DNAH7: variants seen among roughly 807,000 people sequenced by gnomAD.
DNAH7 encodes dynein axonemal heavy chain 7.
A neutral mutation model predicts 444.6 loss-of-function variants in DNAH7; 397 were observed. The observed-to-expected ratio is 0.89, with a 90% CI of 0.82 to 0.97. The LOEUF is 0.97. DNAH7 is among the 50% of genes least tolerant of loss of function. The pLI is 0.00. For missense variants in DNAH7, 4,902 were observed against 4,800.8 expected (o/e 1.02, Z -0.62); for synonymous variants, 1,636 against 1,624.4 (o/e 1.01, Z -0.17).
At chr2:195,984,735 T>C (rs1692795396) in intron 14 of DNAH7, 25 bp from the exon 15 acceptor site, 1 of 1,591,616 alleles carries the variant, frequency 6.3e-7, no homozygotes, top group Non-Finnish European at 8.6e-7. Context: ...AAAACCAATC[T>C]TACATATTTA....
intron 19 of DNAH7, among the ~76,000 whole-genome samples, chr2:195,950,432 T>A (rs770877072): frequency 2.0e-5 from 3 of 152,220 alleles, no homozygotes; most frequent in Non-Finnish European, 2.9e-5. Context: ...GTAGTTTGTA[T>A]TTCTGTGGGG....
intron 15 of DNAH7, among the ~76,000 whole-genome samples, chr2:195,976,747 CAGAGAGAGAGAGAGAG>C (rs60653466): frequency 6.6e-4 from 60 of 90,620 alleles, no homozygotes; most frequent in East Asian, 1.8e-3. Context: ...GAGAGGCAGA[CAGAGAGAGAGAGAGAG>C]AGAGAGAGAG....
At chr2:195,789,491 CT>C (rs1183727193) in intron 57 of DNAH7, among the ~76,000 whole-genome samples, 8 of 152,214 alleles carry the variant, frequency 5.3e-5, no homozygotes, top group African/African-American at 1.9e-4. Context: ...TCAATGATTA[CT>C]AATTCTGGGT....
intron 61 of DNAH7, among the ~76,000 whole-genome samples, chr2:195,759,497 T>C (rs1379473966): frequency 6.6e-6 from 1 of 152,090 alleles, no homozygotes; most frequent in African/African-American, 2.4e-5. Context: ...GAGAGATTCC[T>C]TTTTGAGGAA....
intron 8 of DNAH7, among the ~76,000 whole-genome samples, chr2:196,020,659 G>A (rs1256849167): frequency 6.8e-6 from 1 of 147,538 alleles, no homozygotes; most frequent in East Asian, 2.0e-4. Flanking sequence ...TGCCCAGGCT[G>A]GAGTGCAGTG....
At chr2:195,781,895 A>G (rs1309470424) in intron 58 of DNAH7, among the ~76,000 whole-genome samples, 1 of 151,868 alleles carries the variant, frequency 6.6e-6, no homozygotes, top group African/African-American at 2.4e-5. Flanking sequence ...GAAAATGTCC[A>G]GGCACATATG....
intron 4 of DNAH7, among the ~76,000 whole-genome samples, chr2:196,047,837 A>T (rs1166977391): frequency 6.6e-6 from 1 of 152,018 alleles, no homozygotes; most frequent in African/African-American, 2.4e-5. Context: ...AATTTTAAAG[A>T]ACCATGACAA....
chr2:196,045,327 A>G (rs1485948697), intron 5 of DNAH7, among the ~76,000 whole-genome samples: 1 of 151,582 alleles, frequency 6.6e-6, no homozygotes, highest in Non-Finnish European at 1.5e-5. Context: ...GGAAAGAATA[A>G]AAGAGGGAGG....
intron 61 of DNAH7, among the ~76,000 whole-genome samples, chr2:195,760,593 G>C (rs1694304437): frequency 6.6e-6 from 1 of 152,136 alleles, no homozygotes; most frequent in South Asian, 2.1e-4. Context: ...GAGTCCATGT[G>C]TTTATGAGAA....
chr2:195,936,671 AAG>A lies in DNAH7; in HGVS notation c.3198_3199del (p.Phe1068ProfsTer9). ...GGACAAAAAAAAGAATCTGGGGAAAAAGAGGCGTTTCTTTTCCAAATATTCAT... is the reference window on the plus strand; with the variant it reads ...GGACAAAAAAAAGAATCTGGGGAAAAAGGCGTTTCTTTTCCAAATATTCAT... On this transcript the variant is annotated frameshift_variant, in exon 20 of 65. Coordinates refer to ENST00000312428, the MANE Select transcript of DNAH7 (RefSeq NM_018897.3). LOFTEE classifies it high-confidence loss of function. The A allele has an allele frequency of 2.5e-6, 4 of 1,605,536 alleles. No individual in the cohort carries two copies. Among genetic ancestry groups the A allele is most frequent in the Non-Finnish European group, 2.5e-6 (3 of 1,177,036 alleles).
chr2:195,741,867 T>C (rs1278196917), intron 63 of DNAH7, among the ~76,000 whole-genome samples: 1 of 152,200 alleles, frequency 6.6e-6, no homozygotes, highest in African/African-American at 2.4e-5. Context: ...AGGCTGGTAT[T>C]AGTAAGCTGA....
chr2:195,771,636 T>A, intron 61 of DNAH7, 24 bp downstream of exon 61: 1 of 1,549,548 alleles, frequency 6.5e-7, no homozygotes, highest in Non-Finnish European at 8.9e-7. Flanking sequence ...TAATGGGGGT[T>A]TTTTTTGGTG....
chr2:196,024,853 C>A (rs1290172179), intron 7 of DNAH7, among the ~76,000 whole-genome samples: 1 of 151,764 alleles, frequency 6.6e-6, no homozygotes, highest in African/African-American at 2.4e-5. Context: ...AGCAGTAGTT[C>A]TATTTCACCG....
chr2:195,824,138 C>G, intron 49 of DNAH7, 117 bp downstream of exon 49: 1 of 957,464 alleles, frequency 1.0e-6, no homozygotes, highest in Non-Finnish European at 1.5e-6. Context: ...TTAGGAAATA[C>G]CAAAATAAGG....
chr2:195,873,738 T>C (rs1383996034), intron 38 of DNAH7, 44 bp from the exon 39 acceptor site: 6 of 1,363,786 alleles, frequency 4.4e-6, no homozygotes, highest in African/African-American at 1.5e-5. Context: ...TACTAGTATA[T>C]ACAAGAGTAT....
intron 19 of DNAH7, among the ~76,000 whole-genome samples, chr2:195,955,627 C>T (rs1411908015): frequency 6.6e-6 from 1 of 152,090 alleles, no homozygotes; most frequent in Non-Finnish European, 1.5e-5. Flanking sequence ...TAAAAATTTG[C>T]CTCCTTTATT....
rs765809888 is a variant in DNAH7, at chr2:195,960,384, T to G, written c.2767A>C (p.Arg923=). 9.9e-6 allele frequency: 16 copies of G among 1,614,068 alleles called. No individual in the cohort carries two copies. Among genetic ancestry groups the G allele is most frequent in the Non-Finnish European group, 1.4e-5 (16 of 1,180,040 alleles). The change falls in exon 18 of 65, where the codon AGA becomes CGA. Residue 923 remains arginine (R), a synonymous_variant. Transcript: ENST00000312428. ...DAVEFVIHSY[R]ETGTFILASV... ...GCCAAAATAAATGTCCCAGTTTCTC[T>G]ATAAGAATGGATGACAAATTCCACT... is the stretch of plus-strand genomic sequence containing the variant.
intron 57 of DNAH7, among the ~76,000 whole-genome samples, chr2:195,793,887 T>A (rs1296225022): frequency 2.0e-5 from 3 of 152,150 alleles, no homozygotes; most frequent in Non-Finnish European, 4.4e-5. Flanking sequence ...CTGGTGACGC[T>A]AAAAAAGACC....
chr2:195,776,794 T>C (rs1051340897), intron 59 of DNAH7, among the ~76,000 whole-genome samples: 2 of 152,222 alleles, frequency 1.3e-5, no homozygotes, highest in Admixed American at 6.5e-5. Context: ...TAAATGGACG[T>C]CTATTAAAAT....
Sources: allele counts gnomAD v4.1 joint callset (sites outside exome capture counted in the v4.1 genomes callset), GRCh38; gene constraint gnomAD v4.1.1; transcripts MANE v1.5; gene names NCBI Gene and HGNC (gene_info 2026-07-23, HGNC 2026-07-21).